The following CEP112 variants were observed in gnomAD, a reference collection of about 807,000 sequenced individuals.
The protein encoded by CEP112 is centrosomal protein 112, also known as centrosomal protein of 112 kDa.
CEP112 carries 127 observed loss-of-function variants against 153.0 expected under a neutral mutation model. The observed-to-expected ratio is 0.83, with a 90% CI of 0.72 to 0.96. CEP112 has a LOEUF of 0.96. CEP112 is among the 40% of genes least tolerant of loss of function. CEP112 has a pLI of 0.00. For synonymous variants in CEP112, 358 were observed against 374.4 expected, an observed-to-expected ratio of 0.96 and a Z score of 0.51; for missense variants, 1,089 against 1,101.2, an observed-to-expected ratio of 0.99 and a Z score of 0.16.
intron 21 of CEP112, among the ~76,000 whole-genome samples, chr17:65,847,768 A>G (rs1308694999): frequency 2.6e-5 from 4 of 152,236 alleles, no homozygotes; most frequent in African/African-American, 9.6e-5. Context: ...CAATGGGACA[A>G]AAAAAGGTGG....
chr17:65,864,273 T>A (rs181678539), intron 20 of CEP112, among the ~76,000 whole-genome samples: 1 of 152,194 alleles, frequency 6.6e-6, no homozygotes, highest in African/African-American at 2.4e-5. Flanking sequence ...TCGAGTCATA[T>A]TTTAAGATGC....
intron 1 of CEP112, among the ~76,000 whole-genome samples, chr17:66,188,882 T>C (rs747420640): frequency 2.0e-5 from 3 of 152,162 alleles, no homozygotes; most frequent in Non-Finnish European, 4.4e-5. Flanking sequence ...ACCCAGAGTT[T>C]TAAAGCACAG....
intron 24 of CEP112, among the ~76,000 whole-genome samples, chr17:65,660,787 G>A (rs1020701102): frequency 1.5e-4 from 23 of 152,090 alleles, no homozygotes; most frequent in Admixed American, 2.6e-4. Context: ...ACCTGCTTGA[G>A]GTGAGCTCAA....
At chr17:66,171,235 T>A (rs1015409683) in intron 4 of CEP112, among the ~76,000 whole-genome samples, 1 of 152,138 alleles carries the variant, frequency 6.6e-6, no homozygotes, top group African/African-American at 2.4e-5. Flanking sequence ...AAAATGCCAT[T>A]AGAAATACTT....
At chr17:66,042,405 A>C (rs1172618700) in intron 12 of CEP112, among the ~76,000 whole-genome samples, 1 of 152,082 alleles carries the variant, frequency 6.6e-6, no homozygotes, top group Non-Finnish European at 1.5e-5. Context: ...TACGATGAGA[A>C]TAGCACTTTA....
chr17:65,840,986 A>C (rs1006429749), intron 21 of CEP112, among the ~76,000 whole-genome samples: 10 of 152,080 alleles, frequency 6.6e-5, no homozygotes, highest in African/African-American at 2.2e-4. Context: ...TGCTATTATC[A>C]AAAAGACAAA....
intron 24 of CEP112, among the ~76,000 whole-genome samples, chr17:65,666,212 A>T (rs2046683351): frequency 6.6e-6 from 1 of 152,260 alleles, no homozygotes; most frequent in Non-Finnish European, 1.5e-5. Flanking sequence ...GTTGCTACAG[A>T]AAGTAAACAA....
chr17:65,640,137 CAT>C (rs762352624), intron 25 of CEP112, among the ~76,000 whole-genome samples: 88 of 112,130 alleles, frequency 7.8e-4, no homozygotes, highest in Admixed American at 2.5e-3. Flanking sequence ...TGCACCCGAC[CAT>C]ATATATATAT....
chr17:65,813,198 T>C (rs937903044), intron 21 of CEP112, among the ~76,000 whole-genome samples: 16 of 152,134 alleles, frequency 1.1e-4, no homozygotes, highest in Admixed American at 9.2e-4. Flanking sequence ...AGAAAAGGCA[T>C]ACTGAGAGGA....
chr17:65,832,989 A>T (rs1315777899), intron 21 of CEP112, among the ~76,000 whole-genome samples: 1 of 152,212 alleles, frequency 6.6e-6, no homozygotes, highest in African/African-American at 2.4e-5. Context: ...CCAGCAGCAC[A>T]TCAAAAAGCT....
chr17:65,950,612 C>T lies in CEP112; in HGVS notation c.1872+10851G>A, dbSNP rs555776321. ...AAATCATGTATTAGTTCTAGTATAT[C>T]TTTAATAGATTTTGTGGGATTTTCA... On this transcript the variant is annotated intron_variant, in intron 18 of 26. Transcript: ENST00000535342. Among the ~76,000 whole-genome samples the T allele has an allele frequency of 2.0e-5, 3 of 151,914 alleles. No individual in the cohort carries two copies. The South Asian group carries it at 6.2e-4, about 32-fold the overall frequency.
rs764623780 is a variant in CEP112, at chr17:66,175,197, G to A, written c.317C>T (p.Pro106Leu). 1 of 1,589,494 alleles carries A rather than the reference G, an allele frequency of 6.3e-7. No homozygotes were observed. The highest frequency in any genetic ancestry group is 1.2e-5 in the South Asian group (1 of 86,302). The change falls in exon 4 of 27, where the codon CCA becomes CTA. Residue 106 changes from proline to leucine, a missense_variant. Pro to Leu is a moderately conservative substitution (Grantham distance 98). Coordinates refer to ENST00000535342, the MANE Select transcript of CEP112 (RefSeq NM_001199165.4). ...PSYMSIYFDEPNPARAKGSSP... is the reference protein window; with the variant it reads ...PSYMSIYFDELNPARAKGSSP... ...TGAACCTTTTGCTCGTGCTGGATTT[G>A]GTTCATCAAAATAGATGGACTGATT... is the stretch of plus-strand genomic sequence containing the variant.
intron 19 of CEP112, among the ~76,000 whole-genome samples, chr17:65,907,371 G>T (rs540132764): frequency 2.0e-4 from 31 of 152,294 alleles, no homozygotes; most frequent in Non-Finnish European, 3.5e-4. Flanking sequence ...AGTCATAAAT[G>T]ATTGTTAGTT....
intron 6 of CEP112, among the ~76,000 whole-genome samples, chr17:66,111,980 T>C (rs2069070844): frequency 6.6e-6 from 1 of 152,012 alleles, no homozygotes; most frequent in Non-Finnish European, 1.5e-5. Flanking sequence ...CCAAAATGTG[T>C]AAACAAGGCC....
chr17:66,086,564 C>G (rs778288493), intron 8 of CEP112, among the ~76,000 whole-genome samples: 11 of 151,446 alleles, frequency 7.3e-5, no homozygotes, highest in Non-Finnish European at 1.5e-4. Flanking sequence ...CCACCATGCC[C>G]GAGTAATTTT....
At chr17:66,013,044 C>T (rs1436242489) in intron 16 of CEP112, among the ~76,000 whole-genome samples, 5 of 152,020 alleles carry the variant, frequency 3.3e-5, no homozygotes, top group African/African-American at 9.7e-5. Context: ...TTCTGAAATT[C>T]GTGAAGTGAG....
rs147972860 is a variant in CEP112 at position 65,967,461 on chromosome 17, T to C, written c.1737-5863A>G. On this transcript the variant is annotated intron_variant, in intron 17 of 26. Coordinates refer to ENST00000535342, the MANE Select transcript of CEP112 (RefSeq NM_001199165.4). ...AAATTCTAAGATCTGCTCATTCAAA[T>C]ACTATAGAAAACATAAAAGAAGTGT... is the stretch of plus-strand genomic sequence containing the variant. Among the ~76,000 whole-genome samples the C allele has an allele frequency of 8.0e-4, 122 of 152,258 alleles. 1 individual carries two copies. Among genetic ancestry groups the C allele is most frequent in the Middle Eastern group, 3.4e-3 (1 of 294 alleles).
intron 6 of CEP112, among the ~76,000 whole-genome samples, chr17:66,128,278 G>C (rs1184098334): frequency 7.7e-6 from 1 of 129,976 alleles, no homozygotes; most frequent in Non-Finnish European, 1.5e-5. Flanking sequence ...ACTCCAGCCT[G>C]TGCGACACAG....
chr17:65,767,233 A>G (rs1392378108), intron 21 of CEP112, among the ~76,000 whole-genome samples: 1 of 152,104 alleles, frequency 6.6e-6, no homozygotes, highest in Non-Finnish European at 1.5e-5. Flanking sequence ...AACAGAATTA[A>G]CTTTGGAAAA....
Sources: gnomAD v4.1 joint callset for allele counts (sites outside exome capture counted in the v4.1 genomes callset) on GRCh38, gnomAD v4.1.1 for gene constraint, MANE v1.5 for transcripts, NCBI Gene and HGNC (gene_info 2026-07-23, HGNC 2026-07-21) for gene names.